SLC24A2: variants seen among roughly 807,000 people sequenced by gnomAD.
SLC24A2 encodes the protein solute carrier family 24 member 2, also known as sodium/potassium/calcium exchanger 2.
A neutral mutation model predicts 62.0 loss-of-function variants in SLC24A2; 36 were observed. The ratio of observed to expected loss-of-function variants is 0.58; its 90% CI spans 0.44 to 0.77. The LOEUF (loss-of-function observed/expected upper bound fraction) is 0.77, where lower values mean the gene tolerates loss of function less well. Among genes scored for constraint, SLC24A2 ranks in the 30% least tolerant of loss-of-function variants. SLC24A2 has a pLI of 0.00. For synonymous variants in SLC24A2, 358 were observed against 294.0 expected, an observed-to-expected ratio of 1.22 and a Z score of -2.23; for missense variants, 846 against 817.9, an observed-to-expected ratio of 1.03 and a Z score of -0.42.
chr9:19,836,989 C>T, the SLC24A2 span, among the ~76,000 whole-genome samples: 1 of 152,168 alleles, frequency 6.6e-6, no homozygotes, highest in African/African-American at 2.4e-5. Context: ...ACACGATTAT[C>T]TCAATAGATG....
the SLC24A2 span, among the ~76,000 whole-genome samples, chr9:20,147,583 C>T: frequency 3.3e-5 from 5 of 152,284 alleles, no homozygotes; most frequent in East Asian, 9.7e-4. Context: ...CTTGATCAAA[C>T]AGACCCCAAC....
At chr9:19,871,488 G>T in the SLC24A2 span, among the ~76,000 whole-genome samples, 2 of 152,004 alleles carry the variant, frequency 1.3e-5, 1 homozygote, top group South Asian at 4.1e-4. Flanking sequence ...GTATCTTTCT[G>T]CTGCTATCTC....
the SLC24A2 span, among the ~76,000 whole-genome samples, chr9:20,016,083 A>C: frequency 2.0e-5 from 3 of 152,256 alleles, no homozygotes; most frequent in Non-Finnish European, 4.4e-5. Context: ...ATTGGAAAAT[A>C]TAGGCCAGTG....
chr9:20,117,621 G>A, the SLC24A2 span, among the ~76,000 whole-genome samples: 16,819 of 152,088 alleles, frequency 0.11, 980 homozygotes, highest in Middle Eastern at 0.17. Context: ...TATGTTTGTC[G>A]CTTTAAAAGT....
the SLC24A2 span, among the ~76,000 whole-genome samples, chr9:19,896,621 T>A: frequency 6.6e-6 from 1 of 152,210 alleles, no homozygotes; most frequent in East Asian, 1.9e-4. Flanking sequence ...AGCAGTTAGG[T>A]AATTTGGCCC....
chr9:19,520,826 C>G (rs1052619494), intron 10 of SLC24A2, 68 bp downstream of exon 10: 4 of 1,492,288 alleles, frequency 2.7e-6, no homozygotes, highest in East Asian at 4.5e-5. Flanking sequence ...TCATGTCTTT[C>G]CAGCTTCTAA....
chr9:20,289,408 G>A, the SLC24A2 span, among the ~76,000 whole-genome samples: 5 of 152,148 alleles, frequency 3.3e-5, no homozygotes, highest in Admixed American at 2.0e-4. Flanking sequence ...TCTTCTCCAT[G>A]GGAACAAGAC....
intron 2 of SLC24A2, among the ~76,000 whole-genome samples, chr9:19,770,243 G>C (rs75118820): frequency 1.3e-5 from 2 of 151,724 alleles, no homozygotes; most frequent in African/African-American, 4.8e-5. Context: ...CTATTTGGCC[G>C]TTCAAAAGTT....
chr9:19,781,680 T>G (rs12003576), intron 2 of SLC24A2, among the ~76,000 whole-genome samples: 14 of 152,292 alleles, frequency 9.2e-5, no homozygotes, highest in African/African-American at 3.1e-4. Flanking sequence ...AGAATTTTAA[T>G]GCCTAAGTTT....
At chr9:20,285,962 T>C in the SLC24A2 span, among the ~76,000 whole-genome samples, 1 of 152,286 alleles carries the variant, frequency 6.6e-6, no homozygotes, top group East Asian at 1.9e-4. Flanking sequence ...CCTCCAGAAC[T>C]GTGAGAAATA....
At chr9:20,100,086 G>C in the SLC24A2 span, among the ~76,000 whole-genome samples, 1 of 151,710 alleles carries the variant, frequency 6.6e-6, no homozygotes, top group Non-Finnish European at 1.5e-5. Flanking sequence ...TGGTGCAATT[G>C]ACAGCCTCGT....
intron 2 of SLC24A2, among the ~76,000 whole-genome samples, chr9:19,636,141 T>C (rs1292241707): frequency 6.6e-6 from 1 of 152,156 alleles, no homozygotes; most frequent in African/African-American, 2.4e-5. Context: ...AAAAACAAAG[T>C]TGCTCTAGAC....
the SLC24A2 span, among the ~76,000 whole-genome samples, chr9:20,209,687 G>C: frequency 6.6e-6 from 1 of 152,102 alleles, no homozygotes; most frequent in Non-Finnish European, 1.5e-5. Context: ...CTAAGACTGG[G>C]TAAAGCATGA....
At chr9:19,571,793 C>G (rs567488841) in intron 7 of SLC24A2, among the ~76,000 whole-genome samples, 1 of 152,264 alleles carries the variant, frequency 6.6e-6, no homozygotes, top group Non-Finnish European at 1.5e-5. Context: ...AGGATGAGAT[C>G]CAGAAATCTA....
the SLC24A2 span, among the ~76,000 whole-genome samples, chr9:20,107,371 G>A: frequency 1.3e-5 from 2 of 151,456 alleles, no homozygotes; most frequent in South Asian, 2.1e-4. Context: ...AACCAAAAAA[G>A]AGCCCACATT....
chr9:19,736,658 G>A (rs760838585), intron 2 of SLC24A2, among the ~76,000 whole-genome samples: 1 of 152,092 alleles, frequency 6.6e-6, no homozygotes, highest in African/African-American at 2.4e-5. Flanking sequence ...GGGCAACATA[G>A]TGAGACCCTC....
chr9:20,157,080 T>C, the SLC24A2 span, among the ~76,000 whole-genome samples: 1 of 151,790 alleles, frequency 6.6e-6, no homozygotes, highest in East Asian at 1.9e-4. Flanking sequence ...ATAATTTGTA[T>C]ATTAATTCAT....
At chr9:19,921,668 C>G in the SLC24A2 span, among the ~76,000 whole-genome samples, 1 of 151,928 alleles carries the variant, frequency 6.6e-6, no homozygotes, top group Non-Finnish European at 1.5e-5. Flanking sequence ...TCATTTAAAT[C>G]CCTCACCTGA....
chr9:19,973,309 C>T, the SLC24A2 span, among the ~76,000 whole-genome samples: 1 of 152,240 alleles, frequency 6.6e-6, no homozygotes, highest in Non-Finnish European at 1.5e-5. Context: ...GAAATCTTTT[C>T]TCTTGCTCCT....
Sources: gnomAD v4.1 joint callset for allele counts (sites outside exome capture counted in the v4.1 genomes callset) on GRCh38, gnomAD v4.1.1 for gene constraint, MANE v1.5 for transcripts, NCBI Gene and HGNC (gene_info 2026-07-23, HGNC 2026-07-21) for gene names.